The following ZNF154 variants were observed in gnomAD, a reference collection of about 807,000 sequenced individuals.
ZNF154 encodes zinc finger protein 154.
A neutral mutation model predicts 7.5 loss-of-function variants in ZNF154; 6 were observed. The ratio of observed to expected loss-of-function variants is 0.80; its 90% CI spans 0.44 to 1.57. The LOEUF (loss-of-function observed/expected upper bound fraction) is 1.57. Among genes scored for constraint, ZNF154 ranks in the 40% most tolerant of loss-of-function variants. ZNF154 has a pLI of 0.01. For synonymous variants in ZNF154, 187 were observed against 185.9 expected (o/e 1.01, Z -0.05); for missense variants, 485 against 531.4 (o/e 0.91, Z 0.86).
rs371282433 is a variant in ZNF154 at position 57,702,314 on chromosome 19, G to C, written c.635C>G (p.Thr212Ser). The C allele has an allele frequency of 1.9e-6, 3 of 1,612,960 alleles. No homozygotes were observed. Among genetic ancestry groups the C allele is most frequent in the Non-Finnish European group, 1.7e-6 (2 of 1,178,994 alleles). The change falls in exon 3 of 3, where the codon ACT becomes AGT. Residue 212 changes from threonine (T) to serine (S), a missense_variant. By Grantham distance (58) the Thr-to-Ser change is moderately conservative. Coordinates refer to ENST00000684351, the MANE Select transcript of ZNF154 (RefSeq NM_001085384.3). ...SSLIQHRRVH[T>S]AVRPHECDEC... ...ATCACATTCATGAGGTCGTACTGCA[G>C]TGTGAACTCTCCGGTGCTGAATGAG...
rs1985044683 is a variant in ZNF154, at chr19:57,699,738, C to A, written c.*1897G>T. ...TGTAAATCCCAGCACTTTGGGAGGC[C>A]AAGGTGGGTGGATCACATGAAGTCA... On this transcript the variant is annotated 3_prime_UTR_variant, in exon 3 of 3. Transcript: ENST00000684351. 6.5e-6 allele frequency: 1 copy of A among 153,090 alleles called. No homozygotes were observed. The allele number at this position is 153,090 out of a possible 1,614,324, so 9.5% of individuals were successfully genotyped here.
In ZNF154 at chr19:57,702,160, A is replaced by C; in HGVS notation, c.789T>G (p.His263Gln). ...GCCTCTCCCCAGTGTGAACTCCCCG[A>C]TGTTGAAGGAGTGCAGACCTTTGGC... ...SFSQRSALLQHRGVHTGERPY... is the reference protein window; with the variant it reads ...SFSQRSALLQQRGVHTGERPY... Residue 263 changes from histidine to glutamine, a missense_variant, in exon 3 of 3, where the codon CAT becomes CAG. Transcript: ENST00000684351. 1 of 1,611,854 alleles carries C rather than the reference A, an allele frequency of 6.2e-7. No individual in the cohort carries two copies. Among genetic ancestry groups the C allele is most frequent in the Non-Finnish European group, 8.5e-7 (1 of 1,179,394 alleles).
Position 57,701,614 on chromosome 19 carries a change from C to T in ZNF154, c.*21G>A, listed in dbSNP as rs765017369. On this transcript the variant is annotated 3_prime_UTR_variant, in exon 3 of 3. Transcript: ENST00000684351. The stretch of plus-strand genomic sequence containing the variant: ...CTCCAGGGTGCTAACAGATTTTCCA[C>T]ATTTGCCACTCATAAGGCTTTTATC... The T allele has an allele frequency of 1.9e-6, 3 of 1,601,718 alleles. No homozygotes were observed. Among genetic ancestry groups the T allele is most frequent in the Non-Finnish European group, 2.6e-6 (3 of 1,172,006 alleles).
At chr19:57,707,068 G>A (rs1035279975) in intron 1 of ZNF154, among the ~76,000 whole-genome samples, 1 of 144,568 alleles carries the variant, frequency 6.9e-6, no homozygotes, top group African/African-American at 2.7e-5. Context: ...AGCCAAGCTC[G>A]CGCCATTGCA....
chr19:57,702,565 T>G lies in ZNF154; in HGVS notation c.384A>C (p.Arg128Ser), dbSNP rs372695125. ...SKSDGGAISH[R>S]GKTHYNCGEH... ...CTCCACAGTTGTAATGAGTTTTTCC[T>G]CTGTGACTGATGGCCCCACCGTCGC... The change falls in exon 3 of 3, where the codon AGA (arginine) becomes AGC (serine). Residue 128 changes from arginine to serine, a missense_variant. Arg to Ser is a moderately radical substitution (Grantham distance 110). Coordinates refer to ENST00000684351, the MANE Select transcript of ZNF154 (RefSeq NM_001085384.3). 1.2e-6 allele frequency: 2 copies of G among 1,614,112 alleles called. No individual in the cohort carries two copies. The highest frequency in any genetic ancestry group is 1.7e-6 in the Non-Finnish European group (2 of 1,179,986).
rs377729644 is a variant in ZNF154, at chr19:57,700,654, C to T, written c.*981G>A. Reference sequence around the variant, plus strand: ...GCAGTATTCCTTGTGAACAAGAGAACAATTTCATGTTGCTTTCAGAAACAT... The same window carrying T: ...GCAGTATTCCTTGTGAACAAGAGAATAATTTCATGTTGCTTTCAGAAACAT... On this transcript the variant is annotated 3_prime_UTR_variant, in exon 3 of 3. Coordinates refer to ENST00000684351, the MANE Select transcript of ZNF154 (RefSeq NM_001085384.3). 1.4e-4 allele frequency: 22 copies of T among 152,240 alleles called. No homozygotes were observed. The highest frequency in any genetic ancestry group is 5.3e-4 in the African/African-American group (22 of 41,448). 9.4% of individuals were successfully genotyped at this position (152,240 alleles called of 1,614,324 possible). A position where few individuals can be genotyped will look rare whatever the true frequency, so the allele number is the denominator to read the frequency against.
intron 2 of ZNF154, among the ~76,000 whole-genome samples, chr19:57,703,333 A>G (rs28716595): frequency 6.6e-6 from 1 of 151,824 alleles, no homozygotes; most frequent in African/African-American, 2.4e-5. Flanking sequence ...TAAAAATACA[A>G]AAATTAGCTG....
At chr19:57,705,055 AC>A in intron 1 of ZNF154, 76 bp from the exon 2 acceptor site, 1 of 1,513,290 alleles carries the variant, frequency 6.6e-7, no homozygotes, top group Non-Finnish European at 8.8e-7. Flanking sequence ...CCACATCTTT[AC>A]CCCATGCCCA....
intron 1 of ZNF154, among the ~76,000 whole-genome samples, chr19:57,708,727 C>T (rs1568463588): frequency 6.6e-6 from 1 of 152,190 alleles, no homozygotes; most frequent in Non-Finnish European, 1.5e-5. Context: ...TCTCCTGGCT[C>T]AGTCGCGCCT....
intron 1 of ZNF154, among the ~76,000 whole-genome samples, chr19:57,708,027 A>C (rs555176912): frequency 3.9e-4 from 60 of 152,258 alleles, no homozygotes; most frequent in Non-Finnish European, 8.2e-4. Flanking sequence ...TGAGTTCCAT[A>C]CGCCCTTCTA....
chr19:57,705,162 C>A (rs1304283189), intron 1 of ZNF154, among the ~76,000 whole-genome samples, 183 bp from the exon 2 acceptor site: 1 of 152,136 alleles, frequency 6.6e-6, no homozygotes, highest in East Asian at 1.9e-4. Flanking sequence ...CCATACTATC[C>A]CATCATGAAA....
In ZNF154 at chr19:57,704,853, C is replaced by T; in HGVS notation, c.160G>A (p.Asp54Asn). 1 of 1,611,952 alleles carries T rather than the reference C, an allele frequency of 6.2e-7. No homozygotes were observed. The highest frequency in any genetic ancestry group is 8.5e-7 in the Non-Finnish European group (1 of 1,179,338). The change falls in exon 2 of 3, where the codon GAT becomes AAT. Residue 54 changes from aspartate to asparagine, a missense_variant and splice_region_variant. Transcript: ENST00000684351. Reference sequence around the variant, plus strand: ...ACAGGAAAGGGTAAAAGAACCTTACCTAGAGAGGTTAAAAGAGCCAAGTTC... The same window carrying T: ...ACAGGAAAGGGTAAAAGAACCTTACTTAGAGAGGTTAAAAGAGCCAAGTTC... The part of the protein sequence containing the change: ...LENLALLTSL[D>N]VHHQKQHLGE...
At chr19:57,707,589 T>G (rs1397619904) in intron 1 of ZNF154, among the ~76,000 whole-genome samples, 1 of 152,174 alleles carries the variant, frequency 6.6e-6, no homozygotes, top group African/African-American at 2.4e-5. Flanking sequence ...ATGGACCCTG[T>G]TAGGACTTTG....
intron 1 of ZNF154, among the ~76,000 whole-genome samples, chr19:57,706,977 G>T (rs1272212227): frequency 1.3e-5 from 2 of 152,196 alleles, no homozygotes; most frequent in Non-Finnish European, 2.9e-5. Context: ...GCCGGGCGTG[G>T]TGGCGCATGC....
chr19:57,696,555 G>A lies in ZNF154; in HGVS notation c.*5080C>T, dbSNP rs765203995. Among the ~76,000 whole-genome samples, 102 of 152,182 alleles carry A rather than the reference G, an allele frequency of 6.7e-4. No individual in the cohort carries two copies. Among genetic ancestry groups the A allele is most frequent in the Non-Finnish European group, 1.3e-3 (86 of 68,030 alleles). Reference sequence around the variant, plus strand: ...GCAGAGGAGGGATTAAACCCAGGCAGCAGAGGGAGCAGAGGGCCTGGGGCA... The same window carrying A: ...GCAGAGGAGGGATTAAACCCAGGCAACAGAGGGAGCAGAGGGCCTGGGGCA... On this transcript the variant is annotated 3_prime_UTR_variant, in exon 3 of 3. Transcript: ENST00000684351.
chr19:57,705,741 G>A (rs987855014), intron 1 of ZNF154, among the ~76,000 whole-genome samples: 75 of 144,024 alleles, frequency 5.2e-4, no homozygotes, highest in Non-Finnish European at 1.1e-3. Flanking sequence ...GCGACAGAGC[G>A]AGACTCCGTC....
At chr19:57,708,217 A>G (rs1985471815) in intron 1 of ZNF154, among the ~76,000 whole-genome samples, 1 of 152,176 alleles carries the variant, frequency 6.6e-6, no homozygotes, top group African/African-American at 2.4e-5. Flanking sequence ...CACTATCTCA[A>G]TGTCCTCATC....
At chr19:57,708,497 C>T (rs556117999) in intron 1 of ZNF154, among the ~76,000 whole-genome samples, 7 of 152,124 alleles carry the variant, frequency 4.6e-5, no homozygotes, top group African/African-American at 1.4e-4. Context: ...CGCTTGAACC[C>T]GGGAGTCGGA....
At chr19:57,707,774 C>T (rs200636170) in intron 1 of ZNF154, among the ~76,000 whole-genome samples, 13 of 152,154 alleles carry the variant, frequency 8.5e-5, no homozygotes, top group African/African-American at 1.4e-4. Flanking sequence ...TAAGCACTTG[C>T]GCCTCCTGAT....
Sources: allele counts gnomAD v4.1 joint callset (sites outside exome capture counted in the v4.1 genomes callset), GRCh38; gene constraint gnomAD v4.1.1; transcripts MANE v1.5; gene names NCBI Gene and HGNC (gene_info 2026-07-23, HGNC 2026-07-21).